The following VTI1A variants were observed in gnomAD, a reference collection of about 807,000 sequenced individuals.
VTI1A encodes the protein vesicle transport through interaction with t-SNAREs 1A.
Under a neutral mutation model 34.9 loss-of-function variants are expected in VTI1A, and 22 were observed. The ratio of observed to expected loss-of-function variants is 0.63; its 90% CI spans 0.45 to 0.90. VTI1A has a LOEUF of 0.90. VTI1A is among the 40% of genes least tolerant of loss of function. The probability of loss-of-function intolerance (pLI) is 0.00; values close to 1 mark genes in which losing one functional copy is unlikely to be tolerated. For missense variants in VTI1A, 268 were observed against 275.6 expected, an observed-to-expected ratio of 0.97 and a Z score of 0.20; for synonymous variants, 87 against 97.3, an observed-to-expected ratio of 0.89 and a Z score of 0.62.
chr10:112,660,245 C>T (rs966376240), intron 5 of VTI1A, among the ~76,000 whole-genome samples: 13 of 152,132 alleles, frequency 8.5e-5, no homozygotes, highest in Admixed American at 2.6e-4. Flanking sequence ...GAACTACAGG[C>T]GCACGCCACC....
chr10:112,799,173 G>C (rs966620379), intron 7 of VTI1A, among the ~76,000 whole-genome samples: 1 of 152,108 alleles, frequency 6.6e-6, no homozygotes. Context: ...AGAGCCGCAG[G>C]GGTCAAGAGG....
At chr10:112,467,843 TTGAG>T (rs1847947955) in intron 3 of VTI1A, among the ~76,000 whole-genome samples, 2 of 152,234 alleles carry the variant, frequency 1.3e-5, no homozygotes, top group South Asian at 4.1e-4. Flanking sequence ...CAAGAGTTTC[TTGAG>T]TACTATGGTG....
At chr10:112,760,200 G>GT (rs1851415710) in intron 7 of VTI1A, among the ~76,000 whole-genome samples, 1 of 152,198 alleles carries the variant, frequency 6.6e-6, no homozygotes. Context: ...GTGGATGCCT[G>GT]AAAGCTTGAA....
rs566768788 is a variant in VTI1A at position 112,815,897 on chromosome 10, G to A, written c.*514G>A. On this transcript the variant is annotated 3_prime_UTR_variant, in exon 8 of 8. Coordinates refer to ENST00000393077, the MANE Select transcript of VTI1A (RefSeq NM_145206.4). Reference sequence around the variant, plus strand: ...GCCTCATGAATATAGTCATCAACCTGCCTGAGTGCTTTCATTGTAAAGGTC... The same window carrying A: ...GCCTCATGAATATAGTCATCAACCTACCTGAGTGCTTTCATTGTAAAGGTC... 4.3e-6 allele frequency: 1 copy of A among 231,842 alleles called. No homozygotes were observed. The highest frequency in any genetic ancestry group is 6.1e-5 in the East Asian group (1 of 16,344). 14.4% of individuals were successfully genotyped at this position (231,842 alleles called of 1,614,324 possible). A position where few individuals can be genotyped will look rare whatever the true frequency, so the allele number is the denominator to read the frequency against.
At position 112,617,345 on chromosome 10, in the gene VTI1A, G is replaced by T. The variant is rs540709263; in HGVS notation, c.428-50873G>T. Among the ~76,000 whole-genome samples, 7 of 152,234 alleles carry T rather than the reference G, an allele frequency of 4.6e-5. No individual in the cohort carries two copies. In the South Asian group the frequency reaches 1.4e-3, roughly 32 times the overall value. ...TTAGATAAATAAAAACTAGGAGATT[G>T]CCATCTGTAGATTTTTACTAAAGGG... On this transcript the variant is annotated intron_variant, in intron 5 of 7. Coordinates refer to ENST00000393077, the MANE Select transcript of VTI1A (RefSeq NM_145206.4).
At chr10:112,800,675 G>A (rs1445464982) in intron 7 of VTI1A, among the ~76,000 whole-genome samples, 1 of 152,166 alleles carries the variant, frequency 6.6e-6, no homozygotes. Context: ...TTTGGAGCGT[G>A]CCAATTCCTT....
At chr10:112,516,887 G>A (rs1003865002) in intron 3 of VTI1A, among the ~76,000 whole-genome samples, 8 of 152,034 alleles carry the variant, frequency 5.3e-5, no homozygotes, top group Non-Finnish European at 8.8e-5. Context: ...TGGAGCATGC[G>A]GTAGGAGAAA....
rs574269510 is a variant in VTI1A at position 112,781,134 on chromosome 10, G to A, written c.561-34156G>A. On this transcript the variant is annotated intron_variant, in intron 7 of 7. Coordinates refer to ENST00000393077, the MANE Select transcript of VTI1A (RefSeq NM_145206.4). The stretch of plus-strand genomic sequence containing the variant: ...TAATTTTTTGTAGTTTAGTAGAGGC[G>A]GGGTTTCACCATGTTACCCAGGCTG... 1.6e-4 allele frequency among the ~76,000 whole-genome samples: 25 copies of A among 152,078 alleles called. No homozygotes were observed. In the South Asian group the frequency reaches 3.5e-3, roughly 21 times the overall value.
intron 5 of VTI1A, among the ~76,000 whole-genome samples, chr10:112,555,530 C>G (rs1242474089): frequency 6.6e-6 from 1 of 151,932 alleles, no homozygotes; most frequent in Non-Finnish European, 1.5e-5. Flanking sequence ...CCTGGTTTCT[C>G]TAAACACAGT....
At chr10:112,461,571 T>C (rs959543835) in intron 2 of VTI1A, among the ~76,000 whole-genome samples, 1 of 152,252 alleles carries the variant, frequency 6.6e-6, no homozygotes, top group African/African-American at 2.4e-5. Context: ...GTTCATCTAC[T>C]ACTTTTTTAT....
At chr10:112,650,608 C>T (rs1327158313) in intron 5 of VTI1A, among the ~76,000 whole-genome samples, 1 of 152,148 alleles carries the variant, frequency 6.6e-6, no homozygotes, top group African/African-American at 2.4e-5. Context: ...TTTTGTATGA[C>T]TCGCAGTGCA....
At chr10:112,540,107 G>T (rs1344871241) in intron 5 of VTI1A, among the ~76,000 whole-genome samples, 1 of 152,166 alleles carries the variant, frequency 6.6e-6, no homozygotes, top group Non-Finnish European at 1.5e-5. Flanking sequence ...TGCTTTGGTT[G>T]ATTGGGCTAC....
At chr10:112,679,048 G>T (rs1326624708) in intron 7 of VTI1A, among the ~76,000 whole-genome samples, 1 of 152,078 alleles carries the variant, frequency 6.6e-6, no homozygotes, top group East Asian at 1.9e-4. Flanking sequence ...ACACTTTGGT[G>T]CTGTTCCTAA....
chr10:112,509,680 A>G (rs77859302), intron 3 of VTI1A, among the ~76,000 whole-genome samples: 13,361 of 152,176 alleles, frequency 0.088, 749 homozygotes, highest in Middle Eastern at 0.2. Context: ...TCCTGGGATC[A>G]TTTTCCCTGG....
intron 7 of VTI1A, among the ~76,000 whole-genome samples, chr10:112,687,218 A>ATTTTTTTTTTT (rs1564883856): frequency 8.1e-6 from 1 of 124,182 alleles, no homozygotes; most frequent in African/African-American, 3.1e-5. Context: ...GCATACTACA[A>ATTTTTTTTTTT]CTTTTTTTTT....
intron 5 of VTI1A, among the ~76,000 whole-genome samples, chr10:112,605,572 A>T (rs1242540407): frequency 6.6e-6 from 1 of 152,166 alleles, no homozygotes; most frequent in Non-Finnish European, 1.5e-5. Context: ...CCACACCAGG[A>T]GTCTGTAACT....
At chr10:112,704,563 C>T (rs1355362329) in intron 7 of VTI1A, among the ~76,000 whole-genome samples, 1 of 152,062 alleles carries the variant, frequency 6.6e-6, no homozygotes, top group Non-Finnish European at 1.5e-5. Context: ...TGACTTTTGT[C>T]TTCTCCAAAT....
At chr10:112,692,458 A>G (rs906548918) in intron 7 of VTI1A, among the ~76,000 whole-genome samples, 2 of 152,168 alleles carry the variant, frequency 1.3e-5, no homozygotes, top group Non-Finnish European at 2.9e-5. Context: ...GCCCAGAAAC[A>G]TGCACTGAGG....
At chr10:112,586,269 A>G (rs1844152923) in intron 5 of VTI1A, among the ~76,000 whole-genome samples, 1 of 151,998 alleles carries the variant, frequency 6.6e-6, no homozygotes, top group South Asian at 2.1e-4. Flanking sequence ...GTTGCTATTT[A>G]TTCTGGACCT....
Sources: allele counts gnomAD v4.1 joint callset (sites outside exome capture counted in the v4.1 genomes callset), GRCh38; gene constraint gnomAD v4.1.1; transcripts MANE v1.5; gene names NCBI Gene and HGNC (gene_info 2026-07-23, HGNC 2026-07-21).